The following PTPRD variants were observed in gnomAD, a reference collection of about 807,000 sequenced individuals.
PTPRD encodes the protein protein tyrosine phosphatase receptor type D, also known as receptor-type tyrosine-protein phosphatase delta.
Under a neutral mutation model 214.5 loss-of-function variants are expected in PTPRD, and 34 were observed. That is an observed-to-expected ratio of 0.16 (90% CI 0.12 to 0.21). The LOEUF (loss-of-function observed/expected upper bound fraction) is 0.21, where lower values mean the gene tolerates loss of function less well. PTPRD is among the 10% of genes least tolerant of loss of function. The probability of loss-of-function intolerance (pLI) is 1.00; values close to 1 mark genes in which losing one functional copy is unlikely to be tolerated. For missense variants in PTPRD, 2,545 were observed against 2,398.7 expected, an observed-to-expected ratio of 1.06 and a Z score of -1.27; for synonymous variants, 1,128 against 845.7, an observed-to-expected ratio of 1.33 and a Z score of -5.79.
At chr9:8,485,570 C>T (rs908486463) in intron 28 of PTPRD, 192 bp downstream of exon 28, 2 of 644,962 alleles carry the variant, frequency 3.1e-6, no homozygotes, top group South Asian at 2.1e-5. Context: ...TGCTGTCAGC[C>T]AGACTTGCTT....
At chr9:10,361,432 A>T (rs1328430109) in intron 2 of PTPRD, among the ~76,000 whole-genome samples, 3 of 152,172 alleles carry the variant, frequency 2.0e-5, no homozygotes, top group Non-Finnish European at 4.4e-5. Context: ...AGACAAGGGT[A>T]CAGGGGTAAG....
chr9:8,374,279 A>T (rs2082553405), intron 39 of PTPRD, among the ~76,000 whole-genome samples: 1 of 151,722 alleles, frequency 6.6e-6, no homozygotes, highest in Admixed American at 6.6e-5. Context: ...TGATTTTTAT[A>T]ATCAAGGTCA....
intron 9 of PTPRD, among the ~76,000 whole-genome samples, chr9:9,211,106 T>A (rs1237395250): frequency 2.0e-5 from 3 of 152,028 alleles, no homozygotes; most frequent in Admixed American, 1.3e-4. Context: ...TATGTTTGTG[T>A]TGGAGTACAT....
At chr9:9,443,424 A>C (rs2089066088) in intron 8 of PTPRD, among the ~76,000 whole-genome samples, 1 of 152,208 alleles carries the variant, frequency 6.6e-6, no homozygotes, top group South Asian at 2.1e-4. Context: ...TTGCAGGGAA[A>C]TATAAAGTCT....
At chr9:10,066,478 CAT>C (rs748175623) in intron 3 of PTPRD, among the ~76,000 whole-genome samples, 6 of 151,834 alleles carry the variant, frequency 4.0e-5, no homozygotes, top group Non-Finnish European at 8.8e-5. Context: ...CATAATCACA[CAT>C]ATGACTCATT....
At chr9:8,535,729 C>T (rs944805892) in intron 14 of PTPRD, among the ~76,000 whole-genome samples, 1 of 151,770 alleles carries the variant, frequency 6.6e-6, no homozygotes, top group Admixed American at 6.6e-5. Flanking sequence ...TTTGTTTTTT[C>T]ATCTCAAAAG....
rs1291328943 is a variant in PTPRD at position 8,766,787 on chromosome 9, A to G, written c.-103-32841T>C. 7.9e-5 allele frequency among the ~76,000 whole-genome samples: 12 copies of G among 152,238 alleles called. No homozygotes were observed. In the East Asian group the frequency reaches 2.3e-3, roughly 29 times the overall value. On this transcript the variant is annotated intron_variant, in intron 11 of 45. Coordinates refer to ENST00000381196, the MANE Select transcript of PTPRD (RefSeq NM_002839.4). ...TTTCTTAAATGTATATAAAGCTCAC[A>G]TTAATTTCAATGTTTAATATTAGAA...
intron 10 of PTPRD, among the ~76,000 whole-genome samples, chr9:9,071,205 C>G (rs114880332): frequency 6.6e-6 from 1 of 152,166 alleles, no homozygotes; most frequent in Admixed American, 6.5e-5. Context: ...ATGACCCTTT[C>G]GCCTCTACCC....
At chr9:9,724,700 C>A (rs1033902643) in intron 7 of PTPRD, among the ~76,000 whole-genome samples, 1 of 152,100 alleles carries the variant, frequency 6.6e-6, no homozygotes, top group Non-Finnish European at 1.5e-5. Context: ...ACACTTCTTG[C>A]CTGATATTGT....
At chr9:10,045,207 C>G (rs911284453) in intron 3 of PTPRD, among the ~76,000 whole-genome samples, 1 of 151,496 alleles carries the variant, frequency 6.6e-6, no homozygotes, top group Non-Finnish European at 1.5e-5. Context: ...AAGTAGTATC[C>G]CTTTATTAAC....
intron 12 of PTPRD, among the ~76,000 whole-genome samples, chr9:8,649,761 A>G: frequency 6.6e-6 from 1 of 152,216 alleles, no homozygotes; most frequent in East Asian, 1.9e-4. Flanking sequence ...TACAATACAT[A>G]TTTCCTAAGG....
intron 35 of PTPRD, among the ~76,000 whole-genome samples, chr9:8,408,549 A>C (rs1248562645): frequency 6.6e-6 from 1 of 152,208 alleles, no homozygotes. Context: ...TTATTTAAGT[A>C]AAAGTTGATT....
At chr9:9,652,915 A>G (rs2096402003) in intron 7 of PTPRD, among the ~76,000 whole-genome samples, 1 of 152,144 alleles carries the variant, frequency 6.6e-6, no homozygotes, top group Non-Finnish European at 1.5e-5. Flanking sequence ...TGCCCAGCCA[A>G]TAATATACCA....
intron 2 of PTPRD, among the ~76,000 whole-genome samples, chr9:10,550,476 C>G (rs1211406850): frequency 1.3e-5 from 2 of 152,142 alleles, no homozygotes; most frequent in Non-Finnish European, 2.9e-5. Context: ...GTGTGCTTCA[C>G]TGAGCTGGTT....
intron 2 of PTPRD, among the ~76,000 whole-genome samples, chr9:10,523,098 C>A (rs1321267132): frequency 6.6e-6 from 1 of 151,978 alleles, no homozygotes; most frequent in African/African-American, 2.4e-5. Flanking sequence ...CATGCTTCAT[C>A]AAAATTTCTC....
intron 7 of PTPRD, among the ~76,000 whole-genome samples, chr9:9,708,813 C>T (rs370474640): frequency 4.1e-4 from 62 of 151,920 alleles, no homozygotes; most frequent in Admixed American, 1.2e-3. Flanking sequence ...GCAAGAAAAA[C>T]GTGGTGTGTT....
intron 8 of PTPRD, among the ~76,000 whole-genome samples, chr9:9,562,171 G>A (rs2083138865): frequency 6.6e-6 from 1 of 151,922 alleles, no homozygotes; most frequent in South Asian, 2.1e-4. Flanking sequence ...TTGGTAAAAG[G>A]CAGCTCCACA....
At chr9:9,492,521 T>A (rs1420240562) in intron 8 of PTPRD, among the ~76,000 whole-genome samples, 1 of 152,100 alleles carries the variant, frequency 6.6e-6, no homozygotes, top group African/African-American at 2.4e-5. Flanking sequence ...AGCTGATTAA[T>A]GTAATATACC....
At chr9:9,693,594 G>A (rs970458094) in intron 7 of PTPRD, among the ~76,000 whole-genome samples, 2 of 152,120 alleles carry the variant, frequency 1.3e-5, no homozygotes, top group Non-Finnish European at 2.9e-5. Flanking sequence ...TATGCTTGCT[G>A]TTCTATAATC....
Sources: gnomAD v4.1 joint callset for allele counts (sites outside exome capture counted in the v4.1 genomes callset) on GRCh38, gnomAD v4.1.1 for gene constraint, MANE v1.5 for transcripts, NCBI Gene and HGNC (gene_info 2026-07-23, HGNC 2026-07-21) for gene names.